Variants in CXADR observed in about 807,000 individuals in gnomAD.
CXADR encodes the protein coxsackievirus and adenovirus receptor.
A neutral mutation model predicts 40.3 loss-of-function variants in CXADR; 20 were observed. The observed-to-expected ratio is 0.50, with a 90% confidence interval of 0.35 to 0.72. The LOEUF (loss-of-function observed/expected upper bound fraction) is 0.72, where lower values mean the gene tolerates loss of function less well. CXADR is among the 30% of genes least tolerant of loss of function. The pLI is 0.01. For missense variants in CXADR, 332 were observed against 449.1 expected (o/e 0.74, Z 2.36); for synonymous variants, 150 against 161.3 (o/e 0.93, Z 0.53).
chr21:17,620,841 A>G, the CXADR span, among the ~76,000 whole-genome samples: 10 of 152,176 alleles, frequency 6.6e-5, no homozygotes, highest in African/African-American at 2.4e-4. Context: ...GAGAGGAGAG[A>G]TTTATTTTAA....
chr21:17,521,994 C>T (rs1384910033), intron 1 of CXADR, among the ~76,000 whole-genome samples: 1 of 152,016 alleles, frequency 6.6e-6, no homozygotes, highest in Non-Finnish European at 1.5e-5. Flanking sequence ...GTACTGTTGT[C>T]GCTTTGCCTT....
At chr21:17,623,133 G>A in the CXADR span, among the ~76,000 whole-genome samples, 1 of 152,002 alleles carries the variant, frequency 6.6e-6, no homozygotes, top group South Asian at 2.1e-4. Context: ...TAGAGATGGG[G>A]TTTCACCATG....
intron 1 of CXADR, 83 bp downstream of exon 1, chr21:17,513,255 T>TGGGGGA: frequency 8.0e-7 from 1 of 1,252,072 alleles, no homozygotes; most frequent in Non-Finnish European, 1.0e-6. Flanking sequence ...CAATGGGGCG[T>TGGGGGA]GGGGGAGGGG....
rs139626781 is a variant in CXADR, at chr21:17,590,459, A to C, written c.1018-2693A>C. Among the ~76,000 whole-genome samples the C allele has an allele frequency of 3.4e-3, 519 of 152,190 alleles. 5 individuals are homozygous for C. The highest frequency in any genetic ancestry group is 0.012 in the African/African-American group (481 of 41,552). On this transcript the variant is annotated intron_variant, in intron 7 of 7. Coordinates refer to the CXADR transcript ENST00000400169. ...ACATAGAAGATGGACTAATGCTATT[A>C]AATTTGGAAGTGGGTGATGGTTTCT...
intron 1 of CXADR, among the ~76,000 whole-genome samples, chr21:17,514,724 C>G (rs2060437872): frequency 1.3e-5 from 2 of 151,852 alleles, no homozygotes; most frequent in African/African-American, 4.8e-5. Context: ...ACCTCCGCCC[C>G]CCGCGTTTAA....
chr21:17,537,783 G>GATCA (rs1428390949), intron 1 of CXADR, among the ~76,000 whole-genome samples: 1 of 152,056 alleles, frequency 6.6e-6, no homozygotes, highest in Non-Finnish European at 1.5e-5. Flanking sequence ...AACCAGTGAT[G>GATCA]ATCAAGAACA....
chr21:17,560,620 T>A, intron 4 of CXADR, 82 bp from the exon 5 acceptor site: 1 of 1,389,982 alleles, frequency 7.2e-7, no homozygotes, highest in Non-Finnish European at 1.0e-6. Flanking sequence ...ATTGTTTAAT[T>A]TGGAGAGGAC....
chr21:17,613,220 G>A, the CXADR span: 3 of 152,262 alleles, frequency 2.0e-5, no homozygotes, highest in African/African-American at 7.2e-5. Context: ...GTGCGTCAGC[G>A]CCTTCGGGGG....
chr21:17,559,728 G>A (rs529957577), intron 4 of CXADR, among the ~76,000 whole-genome samples: 13 of 147,000 alleles, frequency 8.8e-5, no homozygotes, highest in African/African-American at 3.3e-4. Flanking sequence ...CCCAGGCTGG[G>A]CGTGCAGTGG....
chr21:17,547,596 A>G (rs1256905227), intron 2 of CXADR, among the ~76,000 whole-genome samples: 1 of 152,220 alleles, frequency 6.6e-6, no homozygotes, highest in Non-Finnish European at 1.5e-5. Flanking sequence ...GTTAAACGTT[A>G]GACAGAATTG....
At chr21:17,622,173 C>G in the CXADR span, among the ~76,000 whole-genome samples, 1 of 152,148 alleles carries the variant, frequency 6.6e-6, no homozygotes, top group Non-Finnish European at 1.5e-5. Flanking sequence ...ACAGCAAGTC[C>G]TGACACTTGA....
At chr21:17,542,123 T>G (rs774907323) in intron 1 of CXADR, 122 of 251,212 alleles carry the variant, frequency 4.9e-4, no homozygotes, top group Non-Finnish European at 3.8e-4. Flanking sequence ...TCTACTTTTC[T>G]CTAAGGCTTT....
At chr21:17,572,431 G>A (rs1403010237), downstream of CXADR, among the ~76,000 whole-genome samples, 1 of 152,020 alleles carries the variant, frequency 6.6e-6, no homozygotes, top group Non-Finnish European at 1.5e-5. Flanking sequence ...TGAGGGGAAA[G>A]GCTGCACTTG....
chr21:17,538,026 G>A (rs1159631325), intron 1 of CXADR, among the ~76,000 whole-genome samples: 1 of 151,752 alleles, frequency 6.6e-6, no homozygotes, highest in Non-Finnish European at 1.5e-5. Context: ...TTTTAAGATG[G>A]AGTCTCTCTC....
intron 1 of CXADR, among the ~76,000 whole-genome samples, chr21:17,525,562 C>T (rs1254565676): frequency 6.6e-6 from 1 of 152,142 alleles, no homozygotes; most frequent in Admixed American, 6.6e-5. Flanking sequence ...TGGACAGTTC[C>T]CATGGGAGAT....
downstream of CXADR, among the ~76,000 whole-genome samples, chr21:17,594,869 G>C (rs2061484378): frequency 1.3e-5 from 2 of 151,930 alleles, no homozygotes; most frequent in Admixed American, 1.3e-4. Context: ...AGAAGGAAAA[G>C]GAGCAGAAAA....
chr21:17,594,860 G>A (rs1439294429), downstream of CXADR, among the ~76,000 whole-genome samples: 1 of 152,000 alleles, frequency 6.6e-6, no homozygotes, highest in Non-Finnish European at 1.5e-5. Flanking sequence ...GAGGGTGGGA[G>A]AAGGAAAAGG....
chr21:17,561,662 C>T (rs912390454), intron 6 of CXADR, among the ~76,000 whole-genome samples, 186 bp downstream of exon 6: 4 of 152,148 alleles, frequency 2.6e-5, no homozygotes, highest in African/African-American at 7.2e-5. Flanking sequence ...AACCACCATT[C>T]GTTGTGCCCC....
chr21:17,514,995 C>T (rs979100077), intron 1 of CXADR, among the ~76,000 whole-genome samples: 1 of 151,376 alleles, frequency 6.6e-6, no homozygotes, highest in African/African-American at 2.4e-5. Flanking sequence ...TGGAATGCCT[C>T]ACTTTGATAG....
Sources: allele counts gnomAD v4.1 joint callset (sites outside exome capture counted in the v4.1 genomes callset), GRCh38; gene constraint gnomAD v4.1.1; transcripts MANE v1.5; gene names NCBI Gene and HGNC (gene_info 2026-07-23, HGNC 2026-07-21).